Variants in KIF18A observed in about 807,000 individuals in gnomAD.
KIF18A encodes kinesin family member 18A.
Under a neutral mutation model 103.3 loss-of-function variants are expected in KIF18A, and 67 were observed. That is an observed-to-expected ratio of 0.65 (90% confidence interval 0.53 to 0.79). The LOEUF (loss-of-function observed/expected upper bound fraction) is 0.79, where lower values mean the gene tolerates loss of function less well. Ranked by LOEUF, KIF18A falls within the 30% of genes least tolerant of loss-of-function variation. The pLI is 0.00. For missense variants in KIF18A, 1,032 were observed against 1,062.5 expected (o/e 0.97, Z 0.40); for synonymous variants, 367 against 355.5 (o/e 1.03, Z -0.36).
chr11:28,023,149 A>C (rs1014417674), intron 16 of KIF18A, among the ~76,000 whole-genome samples: 1 of 152,158 alleles, frequency 6.6e-6, no homozygotes, highest in African/African-American at 2.4e-5. Context: ...ATGATACACC[A>C]CTAGTTTAAC....
At chr11:28,098,116 G>T in intron 1 of KIF18A, 123 bp from the exon 2 acceptor site, 1 of 547,312 alleles carries the variant, frequency 1.8e-6, no homozygotes. Flanking sequence ...GGTAAACACT[G>T]GGGGAAAAAT....
chr11:28,040,137 T>G (rs1005345687), intron 13 of KIF18A, among the ~76,000 whole-genome samples: 2 of 151,846 alleles, frequency 1.3e-5, no homozygotes, highest in African/African-American at 4.8e-5. Flanking sequence ...CTGAATACAA[T>G]TTTTATAATA....
At chr11:28,030,355 A>T (rs1422286565) in intron 15 of KIF18A, among the ~76,000 whole-genome samples, 2 of 151,986 alleles carry the variant, frequency 1.3e-5, no homozygotes, top group Non-Finnish European at 2.9e-5. Context: ...GGAACAGAAC[A>T]GAGCCCTCAG....
At chr11:28,091,244 TAAAAG>T (rs1257979400) in intron 4 of KIF18A, among the ~76,000 whole-genome samples, 160 bp downstream of exon 4, 1 of 152,206 alleles carries the variant, frequency 6.6e-6, no homozygotes. Context: ...CACTCTATTT[TAAAAG>T]AAAACAAAAT....
chr11:28,036,871 T>C (rs933855331), intron 13 of KIF18A, among the ~76,000 whole-genome samples: 5 of 151,602 alleles, frequency 3.3e-5, no homozygotes, highest in Middle Eastern at 6.8e-3. Flanking sequence ...AGAAATTCTA[T>C]AACAAAAGAA....
rs1022733754 is a variant in KIF18A, at chr11:28,067,584, T to G, written c.1590+1675A>C. Among the ~76,000 whole-genome samples, 4 of 152,162 alleles carry G rather than the reference T, an allele frequency of 2.6e-5. 1 individual carries two copies. The South Asian group carries it at 8.3e-4, about 32-fold the overall frequency. On this transcript the variant is annotated intron_variant, in intron 11 of 16. Transcript: ENST00000263181. ...TTGAATTATAAAAAAATTAGTACTT[T>G]TGAACATTTAAAGATCTCTGGCATT...
intron 13 of KIF18A, among the ~76,000 whole-genome samples, chr11:28,052,843 T>TA (rs1388857298): frequency 6.6e-6 from 1 of 151,870 alleles, no homozygotes; most frequent in Non-Finnish European, 1.5e-5. Flanking sequence ...TAAGATCTTG[T>TA]AAAAAAGTAA....
chr11:28,065,800 A>G (rs1294171456), intron 11 of KIF18A, among the ~76,000 whole-genome samples: 1 of 152,062 alleles, frequency 6.6e-6, no homozygotes, highest in Non-Finnish European at 1.5e-5. Context: ...ATGGACAAAC[A>G]TATAATACAA....
At chr11:28,096,640 C>T (rs992004593) in intron 2 of KIF18A, among the ~76,000 whole-genome samples, 1 of 152,098 alleles carries the variant, frequency 6.6e-6, no homozygotes, top group Non-Finnish European at 1.5e-5. Context: ...ATGGGAATCA[C>T]AGTAGTACCA....
chr11:28,050,360 G>C (rs1850695592), intron 13 of KIF18A, among the ~76,000 whole-genome samples: 2 of 151,750 alleles, frequency 1.3e-5, no homozygotes, highest in African/African-American at 4.8e-5. Flanking sequence ...AAATTTTGTT[G>C]CCAAATGGAA....
intron 13 of KIF18A, among the ~76,000 whole-genome samples, chr11:28,040,008 GC>G (rs1209747160): frequency 6.6e-6 from 1 of 151,602 alleles, no homozygotes; most frequent in Non-Finnish European, 1.5e-5. Context: ...GCTAACCAGA[GC>G]AAAAACAAAA....
chr11:28,026,595 G>A (rs1001860786), intron 15 of KIF18A, among the ~76,000 whole-genome samples: 22 of 151,640 alleles, frequency 1.5e-4, no homozygotes, highest in South Asian at 2.1e-4. Context: ...TGTTCATGTG[G>A]AAGCCCTTTA....
intron 15 of KIF18A, 88 bp from the exon 16 acceptor site, chr11:28,023,938 G>A: frequency 1.8e-6 from 1 of 550,872 alleles, no homozygotes; most frequent in Non-Finnish European, 3.2e-6. Flanking sequence ...AATGATTAAA[G>A]AAATAAAACA....
chr11:28,108,123 A>G lies in KIF18A; in HGVS notation c.-106T>C, dbSNP rs1397536953. On this transcript the variant is annotated 5_prime_UTR_variant, in exon 1 of 17. Coordinates refer to ENST00000263181, the MANE Select transcript of KIF18A (RefSeq NM_031217.4). ...CAGGTTACCGCAACCACTTCACTTT[A>G]ATGTCCGCCTCCCAGCGCTTCAGAC... is the stretch of plus-strand genomic sequence containing the variant. 6.6e-6 allele frequency: 1 copy of G among 152,422 alleles called. No homozygotes were observed. The highest frequency in any genetic ancestry group is 1.9e-4 in the East Asian group (1 of 5,188). 9.4% of individuals were successfully genotyped at this position (152,422 alleles called of 1,614,324 possible). A position where few individuals can be genotyped will look rare whatever the true frequency, so the allele number is the denominator to read the frequency against.
At chr11:28,071,203 A>G (rs1037709858) in intron 10 of KIF18A, among the ~76,000 whole-genome samples, 3 of 152,198 alleles carry the variant, frequency 2.0e-5, no homozygotes, top group Non-Finnish European at 4.4e-5. Flanking sequence ...TATCAGGAAA[A>G]TGTTATTAGT....
intron 7 of KIF18A, 45 bp from the exon 8 acceptor site, chr11:28,083,288 TCA>T (rs761376519): frequency 4.6e-6 from 7 of 1,508,540 alleles, no homozygotes; most frequent in Middle Eastern, 3.5e-4. Flanking sequence ...GAGATAATAA[TCA>T]CAGAGATAAA....
At chr11:28,082,438 C>T (rs900322643) in intron 9 of KIF18A, among the ~76,000 whole-genome samples, 5 of 152,108 alleles carry the variant, frequency 3.3e-5, no homozygotes, top group Non-Finnish European at 7.4e-5. Context: ...GGAAGACCTC[C>T]ACCAGCAAAA....
chr11:28,036,795 T>C, intron 13 of KIF18A, 131 bp from the exon 14 acceptor site: 1 of 546,434 alleles, frequency 1.8e-6, no homozygotes, highest in Admixed American at 3.5e-5. Flanking sequence ...CTGAAAAATA[T>C]AAGTTGGAAA....
intron 4 of KIF18A, 63 bp downstream of exon 4, chr11:28,091,346 G>T: frequency 1.2e-6 from 1 of 844,632 alleles, no homozygotes; most frequent in Non-Finnish European, 1.9e-6. Flanking sequence ...TGCATGGCTG[G>T]TGAAAATAGC....
Sources: allele counts gnomAD v4.1 joint callset (sites outside exome capture counted in the v4.1 genomes callset), GRCh38; gene constraint gnomAD v4.1.1; transcripts MANE v1.5; gene names NCBI Gene and HGNC (gene_info 2026-07-23, HGNC 2026-07-21).